Variants in LRP1B observed in about 807,000 individuals in gnomAD.
LRP1B encodes the protein low-density lipoprotein receptor-related protein 1B.
LRP1B carries 217 observed loss-of-function variants against 556.6 expected under a neutral mutation model. The observed-to-expected ratio is 0.39, with a 90% CI of 0.35 to 0.44. The LOEUF is 0.44. Ranked by LOEUF, LRP1B falls within the 20% of genes least tolerant of loss-of-function variation. The probability of loss-of-function intolerance (pLI) is 1.00; values close to 1 mark genes in which losing one functional copy is unlikely to be tolerated. For missense variants in LRP1B, 5,053 were observed against 5,620.8 expected (o/e 0.90, Z 3.23); for synonymous variants, 2,047 against 1,865.8 (o/e 1.10, Z -2.50).
intron 41 of LRP1B, among the ~76,000 whole-genome samples, chr2:140,664,097 A>G (rs1685186852): frequency 6.6e-6 from 1 of 152,212 alleles, no homozygotes; most frequent in Non-Finnish European, 1.5e-5. Context: ...TCTTGAGTGC[A>G]GTTTGTGGTG....
chr2:141,481,832 T>C (rs1025184154), intron 2 of LRP1B, among the ~76,000 whole-genome samples: 3 of 152,192 alleles, frequency 2.0e-5, no homozygotes, highest in African/African-American at 7.2e-5. Context: ...GAGGATTCTA[T>C]CAAAAGCTCT....
intron 7 of LRP1B, among the ~76,000 whole-genome samples, chr2:141,153,333 TA>T (rs1400916223): frequency 9.2e-6 from 1 of 108,358 alleles, no homozygotes; most frequent in South Asian, 2.8e-4. Flanking sequence ...TATATTTATA[TA>T]ATAATATATT....
At chr2:140,356,755 G>A (rs603914) in intron 74 of LRP1B, among the ~76,000 whole-genome samples, 5,969 of 151,768 alleles carry the variant, frequency 0.039, 367 homozygotes, top group African/African-American at 0.13. Context: ...AAATAAGTCA[G>A]GAGTCAATGA....
At chr2:141,995,936 A>G (rs1702476533) in intron 1 of LRP1B, among the ~76,000 whole-genome samples, 1 of 152,180 alleles carries the variant, frequency 6.6e-6, no homozygotes, top group Admixed American at 6.5e-5. Flanking sequence ...GAAAAAGGAT[A>G]CTAATGATCT....
chr2:140,993,872 A>G, intron 16 of LRP1B, 123 bp downstream of exon 16: 1 of 982,414 alleles, frequency 1.0e-6, no homozygotes. Flanking sequence ...GGATGACTGA[A>G]AAATTAAACT....
intron 32 of LRP1B, among the ~76,000 whole-genome samples, chr2:140,809,639 T>G (rs566574374): frequency 6.6e-6 from 1 of 152,328 alleles, no homozygotes; most frequent in African/African-American, 2.4e-5. Flanking sequence ...TGAATTAATA[T>G]CTATAGCAGT....
chr2:140,344,441 G>T (rs1427047728), intron 77 of LRP1B, among the ~76,000 whole-genome samples: 6 of 151,444 alleles, frequency 4.0e-5, no homozygotes, highest in African/African-American at 1.2e-4. Context: ...AAAGGAATCA[G>T]CAACAACTAA....
intron 32 of LRP1B, among the ~76,000 whole-genome samples, chr2:140,784,677 G>T (rs1204313405): frequency 6.6e-6 from 1 of 151,638 alleles, no homozygotes; most frequent in Non-Finnish European, 1.5e-5. Context: ...TCCTCAGAGA[G>T]ATTACAGAAA....
At chr2:140,262,679 G>A (rs945651329) in intron 86 of LRP1B, among the ~76,000 whole-genome samples, 8 of 152,034 alleles carry the variant, frequency 5.3e-5, no homozygotes, top group South Asian at 2.1e-4. Flanking sequence ...ATATGCATTC[G>A]AAATCCAGAA....
chr2:141,033,885 T>C (rs576120747), intron 11 of LRP1B, among the ~76,000 whole-genome samples: 3 of 152,196 alleles, frequency 2.0e-5, no homozygotes, highest in Non-Finnish European at 4.4e-5. Context: ...TTTTTTGTGT[T>C]CTTGAAGCTT....
intron 3 of LRP1B, among the ~76,000 whole-genome samples, chr2:141,454,146 A>C (rs1324960544): frequency 6.6e-6 from 1 of 152,200 alleles, no homozygotes; most frequent in East Asian, 1.9e-4. Context: ...TCTTATGTAG[A>C]AAAACACAAA....
intron 44 of LRP1B, 115 bp downstream of exon 44, chr2:140,541,664 A>G (rs1680137117): frequency 1.2e-5 from 10 of 858,198 alleles, no homozygotes; most frequent in Non-Finnish European, 1.7e-5. Flanking sequence ...GTAACAAAAA[A>G]TAATATTTTT....
At position 141,464,334 on chromosome 2, in the gene LRP1B, C is replaced by T. The variant is rs559095920; in HGVS notation, c.343+16062G>A. ...ATTCTTCCATCTTTATCTTCTCTTA[C>T]TTAGACATCAAGGATTTTTAGAACA... On this transcript the variant is annotated intron_variant, in intron 3 of 90. Transcript: ENST00000389484. Among the ~76,000 whole-genome samples the T allele has an allele frequency of 3.9e-5, 6 of 152,020 alleles. No homozygotes were observed. In the South Asian group the frequency reaches 6.2e-4, roughly 16 times the overall value.
intron 2 of LRP1B, among the ~76,000 whole-genome samples, chr2:141,798,519 C>T (rs1427460118): frequency 2.6e-5 from 4 of 151,550 alleles, no homozygotes; most frequent in African/African-American, 9.7e-5. Flanking sequence ...CCATCCTGGC[C>T]AACATGATGA....
chr2:141,731,845 C>T (rs1189316251), intron 2 of LRP1B, among the ~76,000 whole-genome samples: 2 of 151,980 alleles, frequency 1.3e-5, no homozygotes, highest in Admixed American at 6.6e-5. Flanking sequence ...TGGTGTCTGC[C>T]CACACTACTG....
At chr2:140,550,244 C>G (rs1680497568) in intron 43 of LRP1B, among the ~76,000 whole-genome samples, 1 of 152,026 alleles carries the variant, frequency 6.6e-6, no homozygotes, top group Non-Finnish European at 1.5e-5. Context: ...CATCTGTTTT[C>G]TTTTCTAAGC....
chr2:141,961,053 CTTAAT>C (rs1701389784), intron 1 of LRP1B, among the ~76,000 whole-genome samples: 1 of 151,572 alleles, frequency 6.6e-6, no homozygotes, highest in African/African-American at 2.4e-5. Flanking sequence ...AATTTAAATT[CTTAAT>C]TTAGTTACTT....
At chr2:140,607,098 C>T (rs1037581670) in intron 41 of LRP1B, among the ~76,000 whole-genome samples, 1 of 151,940 alleles carries the variant, frequency 6.6e-6, no homozygotes, top group Non-Finnish European at 1.5e-5. Flanking sequence ...AACAATAAAA[C>T]AACAACTAAT....
intron 80 of LRP1B, among the ~76,000 whole-genome samples, chr2:140,324,725 T>TTATATTTTACTAA (rs1680367819): frequency 6.6e-6 from 1 of 152,000 alleles, no homozygotes; most frequent in Non-Finnish European, 1.5e-5. Flanking sequence ...AAAACGACAT[T>TTATATTTTACTAA]TATATTTTAC....
Sources: allele counts gnomAD v4.1 joint callset (sites outside exome capture counted in the v4.1 genomes callset), GRCh38; gene constraint gnomAD v4.1.1; transcripts MANE v1.5; gene names NCBI Gene and HGNC (gene_info 2026-07-23, HGNC 2026-07-21).